The following TMTC1 variants were observed in gnomAD, a reference collection of about 807,000 sequenced individuals.
TMTC1 encodes transmembrane O-mannosyltransferase targeting cadherins 1.
TMTC1 carries 73 observed loss-of-function variants against 104.8 expected under a neutral mutation model. The ratio of observed to expected loss-of-function variants is 0.70; its 90% CI spans 0.58 to 0.85. The LOEUF is 0.85. TMTC1 is among the 40% of genes least tolerant of loss of function. TMTC1 has a pLI of 0.00. For synonymous variants in TMTC1, 434 were observed against 428.7 expected, an observed-to-expected ratio of 1.01 and a Z score of -0.15; for missense variants, 1,035 against 1,096.1, an observed-to-expected ratio of 0.94 and a Z score of 0.79.
intron 5 of TMTC1, among the ~76,000 whole-genome samples, chr12:29,652,108 C>T (rs1939548367): frequency 6.6e-6 from 1 of 152,100 alleles, no homozygotes; most frequent in African/African-American, 2.4e-5. Flanking sequence ...GGTCTATGCC[C>T]TCTGGTAACT....
chr12:29,753,041 GT>G (rs143591147), intron 4 of TMTC1, among the ~76,000 whole-genome samples: 389 of 152,284 alleles, frequency 2.6e-3, no homozygotes, highest in African/African-American at 9.1e-3. Context: ...TTCCATCCAT[GT>G]GGGGCCAATC....
At chr12:29,600,317 A>G (rs569697256) in intron 7 of TMTC1, among the ~76,000 whole-genome samples, 69 of 152,228 alleles carry the variant, frequency 4.5e-4, no homozygotes, top group Non-Finnish European at 7.9e-4. Context: ...AGACAGGGAC[A>G]GCTCATCACT....
At chr12:29,593,468 TAA>T (rs1214866514) in intron 7 of TMTC1, among the ~76,000 whole-genome samples, 1 of 152,216 alleles carries the variant, frequency 6.6e-6, no homozygotes, top group Non-Finnish European at 1.5e-5. Flanking sequence ...AATTTCATTA[TAA>T]GTTTTTTAAG....
intron 5 of TMTC1, among the ~76,000 whole-genome samples, chr12:29,664,898 C>T (rs1940214897): frequency 6.6e-6 from 1 of 152,182 alleles, no homozygotes; most frequent in African/African-American, 2.4e-5. Context: ...ATGTCAACAA[C>T]AAAACCAGAC....
intron 3 of TMTC1, 31 bp from the exon 4 acceptor site, chr12:29,755,916 TAAGA>T: frequency 6.2e-7 from 1 of 1,603,500 alleles, no homozygotes; most frequent in Non-Finnish European, 8.5e-7. Flanking sequence ...TCTTTTAATC[TAAGA>T]AAGAATATGG....
intron 5 of TMTC1, among the ~76,000 whole-genome samples, chr12:29,637,846 C>A (rs1024827343): frequency 6.6e-6 from 1 of 152,152 alleles, no homozygotes; most frequent in African/African-American, 2.4e-5. Context: ...ATATATAGTT[C>A]TTGCTTGCTT....
At chr12:29,619,033 T>C (rs1947061651) in intron 6 of TMTC1, among the ~76,000 whole-genome samples, 1 of 152,132 alleles carries the variant, frequency 6.6e-6, no homozygotes, top group African/African-American at 2.4e-5. Flanking sequence ...TGAGTAATAA[T>C]ATAGACTATG....
chr12:29,676,049 G>A (rs112988779), intron 5 of TMTC1, among the ~76,000 whole-genome samples: 132 of 152,144 alleles, frequency 8.7e-4, no homozygotes, highest in Non-Finnish European at 1.5e-3. Flanking sequence ...GAATTTGATG[G>A]TTTTCATTTT....
In TMTC1 at chr12:29,504,611, G is replaced by C. The variant is rs1441519599; in HGVS notation, c.*2235C>G. The C allele has an allele frequency of 3.9e-5, 6 of 152,182 alleles. No individual in the cohort carries two copies. In the East Asian group the frequency reaches 9.6e-4, roughly 24 times the overall value. 9.4% of individuals were successfully genotyped at this position (152,182 alleles called of 1,614,324 possible). ...AGGAAGGAAAAGGGAAAAGGGGTAG[G>C]GAAGGATGGGGGAGATAGGAAAGCA... is the stretch of plus-strand genomic sequence containing the variant. On this transcript the variant is annotated 3_prime_UTR_variant, in exon 18 of 18. Coordinates refer to ENST00000539277, the MANE Select transcript of TMTC1 (RefSeq NM_001193451.2).
chr12:29,507,541 T>C (rs543664309), intron 17 of TMTC1, among the ~76,000 whole-genome samples: 28 of 152,314 alleles, frequency 1.8e-4, no homozygotes, highest in Middle Eastern at 3.4e-3. Flanking sequence ...GAATGTGAAG[T>C]CAAATTTTTT....
intron 1 of TMTC1, among the ~76,000 whole-genome samples, chr12:29,773,425 C>A (rs200687301): frequency 0.032 from 189 of 5,862 alleles, 1 homozygote; most frequent in Admixed American, 0.048. Flanking sequence ...TTAGGAAAAA[C>A]AAAACAAAAC....
intron 5 of TMTC1, among the ~76,000 whole-genome samples, chr12:29,646,229 A>G (rs541162753): frequency 6.6e-5 from 10 of 152,336 alleles, no homozygotes; most frequent in Admixed American, 5.9e-4. Flanking sequence ...CAGGGTTGAC[A>G]TAAACTAAAA....
chr12:29,736,872 T>C (rs1323591221), intron 5 of TMTC1, among the ~76,000 whole-genome samples: 3 of 152,156 alleles, frequency 2.0e-5, no homozygotes, highest in Non-Finnish European at 4.4e-5. Flanking sequence ...CTTAACCAGA[T>C]ACACACATAA....
At chr12:29,545,147 T>G (rs981134619) in intron 10 of TMTC1, among the ~76,000 whole-genome samples, 8 of 9,176 alleles carry the variant, frequency 8.7e-4, no homozygotes, top group Non-Finnish European at 1.7e-3. Flanking sequence ...ACAGATGGGT[T>G]TTTTTTTTTC....
chr12:29,644,855 C>T (rs745824170), intron 5 of TMTC1, among the ~76,000 whole-genome samples: 6 of 152,156 alleles, frequency 3.9e-5, no homozygotes, highest in Non-Finnish European at 7.4e-5. Context: ...CTTCTGGAAT[C>T]AACTCTCACA....
chr12:29,779,380 C>T (rs969402755), intron 1 of TMTC1, among the ~76,000 whole-genome samples: 6 of 152,216 alleles, frequency 3.9e-5, no homozygotes, highest in African/African-American at 9.6e-5. Flanking sequence ...TAGTGCAAAG[C>T]CACCACATCT....
chr12:29,543,620 G>A (rs971130337), intron 10 of TMTC1, among the ~76,000 whole-genome samples: 2 of 151,698 alleles, frequency 1.3e-5, no homozygotes, highest in South Asian at 2.1e-4. Flanking sequence ...AAAGATCATG[G>A]TTTTTTTTGG....
chr12:29,510,124 C>T (rs1943792312), intron 17 of TMTC1, among the ~76,000 whole-genome samples: 2 of 152,160 alleles, frequency 1.3e-5, no homozygotes, highest in South Asian at 2.1e-4. Flanking sequence ...GATATAGCCA[C>T]ATAAACCTAG....
intron 5 of TMTC1, among the ~76,000 whole-genome samples, chr12:29,662,604 C>G (rs988825041): frequency 1.4e-5 from 2 of 143,228 alleles, no homozygotes; most frequent in African/African-American, 5.3e-5. Flanking sequence ...GAGCCGAGAT[C>G]GTGCCACTAC....
Sources: allele counts gnomAD v4.1 joint callset (sites outside exome capture counted in the v4.1 genomes callset), GRCh38; gene constraint gnomAD v4.1.1; transcripts MANE v1.5; gene names NCBI Gene and HGNC (gene_info 2026-07-23, HGNC 2026-07-21).